NPIPA5: variants seen among roughly 807,000 people sequenced by gnomAD.
The protein encoded by NPIPA5 is nuclear pore complex interacting protein family member A5.
NPIPA5 carries 6 observed loss-of-function variants against 21.4 expected under a neutral mutation model. That is an observed-to-expected ratio of 0.28 (90% confidence interval 0.15 to 0.55). NPIPA5 has a LOEUF of 0.55. Among genes scored for constraint, NPIPA5 ranks in the 20% least tolerant of loss-of-function variants. The pLI is 0.93. For synonymous variants in NPIPA5, 33 were observed against 115.3 expected (o/e 0.29, Z 4.57); for missense variants, 99 against 318.2 (o/e 0.31, Z 5.24).
chr16:15,381,515 G>A (rs1254774299), upstream of NPIPA5: 12 of 956,986 alleles, frequency 1.3e-5, no homozygotes, highest in East Asian at 9.2e-4. Flanking sequence ...ATCACACAAG[G>A]CCTTGTCCGC....
intron 1 of NPIPA5, among the ~76,000 whole-genome samples, chr16:15,376,899 C>A (rs1331807910): frequency 1.3e-5 from 2 of 151,952 alleles, no homozygotes; most frequent in Admixed American, 6.6e-5. Flanking sequence ...GCTTGAACCC[C>A]GGAAGCGGAG....
chr16:15,363,659 T>A lies in NPIPA5; in HGVS notation c.1053A>T (p.Ter351TyrextTer1). 1 of 1,541,352 alleles carries A rather than the reference T, an allele frequency of 6.5e-7. No homozygotes were observed. ...TTTTATATTATTTATTTATTCTTCA[T>A]TAGTTTCTTGAGATTATCATCCGCT... ...HPQRMIISRN* is the reference protein window; with the variant it reads ...HPQRMIISRNY Residue 351 changes from the stop codon to tyrosine (Y), a stop_lost, in exon 8 of 8, where the codon TAA becomes TAT. Coordinates refer to ENST00000360151, the MANE Select transcript of NPIPA5 (RefSeq NM_001277325.2).
chr16:15,380,357 C>CT (rs1440079351), upstream of NPIPA5, among the ~76,000 whole-genome samples: 10 of 150,270 alleles, frequency 6.7e-5, no homozygotes, highest in Non-Finnish European at 1.5e-4. Context: ...GAGTCTCGCT[C>CT]TGTCGTACAG....
At chr16:15,381,146 G>A (rs1385930942), upstream of NPIPA5, 5 of 1,334,296 alleles carry the variant, frequency 3.7e-6, no homozygotes, top group Non-Finnish European at 4.0e-6. Flanking sequence ...TGATGTTTGA[G>A]TCTATAGTGG....
upstream of NPIPA5, chr16:15,381,171 A>T: frequency 1.6e-6 from 1 of 624,482 alleles, no homozygotes; most frequent in Non-Finnish European, 2.8e-6. Context: ...GGGCTTCAGA[A>T]AAGGACAGAA....
At chr16:15,375,769 G>A (rs889354551) in intron 1 of NPIPA5, among the ~76,000 whole-genome samples, 1 of 150,030 alleles carries the variant, frequency 6.7e-6, no homozygotes, top group Non-Finnish European at 1.5e-5. Flanking sequence ...AATTACCAAG[G>A]TGGAGATCAT....
chr16:15,367,098 G>T (rs1334657161), intron 4 of NPIPA5, among the ~76,000 whole-genome samples: 5 of 152,058 alleles, frequency 3.3e-5, no homozygotes, highest in Admixed American at 2.6e-4. Context: ...CACAGCAAAA[G>T]CTCATTTTAG....
chr16:15,371,892 A>G (rs1283788583), intron 2 of NPIPA5, among the ~76,000 whole-genome samples: 278 of 145,372 alleles, frequency 1.9e-3, no homozygotes, highest in Middle Eastern at 3.5e-3. Context: ...CTAGGATTTC[A>G]AGAGAAGCAA....
upstream of NPIPA5, among the ~76,000 whole-genome samples, chr16:15,380,526 T>G (rs1037722967): frequency 2.6e-5 from 4 of 152,064 alleles, no homozygotes; most frequent in African/African-American, 4.8e-5. Flanking sequence ...TTTTGCCATA[T>G]TGGTCAGGCT....
At chr16:15,367,272 G>C (rs1002089246) in intron 4 of NPIPA5, among the ~76,000 whole-genome samples, 5 of 152,100 alleles carry the variant, frequency 3.3e-5, no homozygotes, top group Non-Finnish European at 7.3e-5. Context: ...AGAATATGGT[G>C]TCATTAACCC....
In NPIPA5 at chr16:15,372,091, A is replaced by G. The variant is rs545943335; in HGVS notation, c.192+1624T>C. 1.0e-3 allele frequency among the ~76,000 whole-genome samples: 152 copies of G among 148,996 alleles called. 6 individuals carry two copies. The highest frequency in any genetic ancestry group is 3.6e-3 in the African/African-American group (148 of 40,936). ...CCATGATGTCCCTGCTTAGGAGGTA[A>G]TGACTAGATGACAAGGACAAAGATG... On this transcript the variant is annotated intron_variant, in intron 2 of 7. Transcript: ENST00000360151.
At chr16:15,367,187 C>A (rs974054202) in intron 4 of NPIPA5, among the ~76,000 whole-genome samples, 5 of 152,140 alleles carry the variant, frequency 3.3e-5, no homozygotes, top group Non-Finnish European at 7.3e-5. Flanking sequence ...TCATCTGACT[C>A]CTCCTGTGTG....
chr16:15,381,402 G>T (rs988041362), upstream of NPIPA5: 55 of 548,496 alleles, frequency 1.0e-4, no homozygotes, highest in Non-Finnish European at 1.1e-4. Flanking sequence ...CACTATTATT[G>T]GATATACAGT....
intron 1 of NPIPA5, among the ~76,000 whole-genome samples, chr16:15,375,623 T>G (rs1413616304): frequency 6.8e-6 from 1 of 147,668 alleles, no homozygotes; most frequent in Non-Finnish European, 1.5e-5. Flanking sequence ...GCGCCTATAG[T>G]TCCAGCTACT....
At chr16:15,375,482 G>A (rs1438359000) in intron 1 of NPIPA5, among the ~76,000 whole-genome samples, 9 of 151,386 alleles carry the variant, frequency 5.9e-5, no homozygotes, top group East Asian at 3.9e-4. Context: ...GGTGGCTCAC[G>A]CCTGCAATCC....
intron 1 of NPIPA5, among the ~76,000 whole-genome samples, chr16:15,374,184 C>G (rs2050227597): frequency 1.3e-5 from 2 of 150,260 alleles, no homozygotes; most frequent in African/African-American, 4.9e-5. Flanking sequence ...AGCTGATGAT[C>G]TAAAAAAAAA....
chr16:15,379,394 C>A (rs1481742105), upstream of NPIPA5, among the ~76,000 whole-genome samples: 3 of 151,296 alleles, frequency 2.0e-5, no homozygotes, highest in Non-Finnish European at 2.9e-5. Context: ...ATGGTGAAAC[C>A]CTGTCTCTAA....
chr16:15,379,718 C>A (rs1385312112), upstream of NPIPA5, among the ~76,000 whole-genome samples: 12 of 151,974 alleles, frequency 7.9e-5, no homozygotes, highest in Non-Finnish European at 1.5e-4. Context: ...GAGGCTGAGG[C>A]AGGCGGATCA....
chr16:15,366,907 A>G lies in NPIPA5; in HGVS notation c.438-147T>C, dbSNP rs2049990648. On this transcript the variant is annotated intron_variant, in intron 4 of 7. Transcript: ENST00000360151. ...ACTGATTCTCACAACCGAAGGGAGA[A>G]TGGACACCTCCCATTGAGGGATAAA... 5 of 1,507,814 alleles carry G rather than the reference A, an allele frequency of 3.3e-6. No individual in the cohort carries two copies. The South Asian group carries it at 6.3e-5, about 19-fold the overall frequency. 93.4% of individuals were successfully genotyped at this position (1,507,814 alleles called of 1,614,324 possible).
Sources: gnomAD v4.1 joint callset for allele counts (sites outside exome capture counted in the v4.1 genomes callset) on GRCh38, gnomAD v4.1.1 for gene constraint, MANE v1.5 for transcripts, NCBI Gene and HGNC (gene_info 2026-07-23, HGNC 2026-07-21) for gene names.